The following GNAI3 variants were observed in gnomAD, a reference collection of about 807,000 sequenced individuals.
The protein encoded by GNAI3 is G protein subunit alpha i3, also known as guanine nucleotide-binding protein G(i) subunit alpha-3.
Under a neutral mutation model 41.8 loss-of-function variants are expected in GNAI3, and 12 were observed. The observed-to-expected ratio is 0.29, with a 90% CI of 0.18 to 0.47. The LOEUF (loss-of-function observed/expected upper bound fraction) is 0.47. GNAI3 is among the 20% of genes least tolerant of loss of function. The pLI is 1.00. For missense variants in GNAI3, 360 were observed against 429.6 expected (o/e 0.84, Z 1.43); for synonymous variants, 132 against 146.5 (o/e 0.90, Z 0.71).
intron 1 of GNAI3, among the ~76,000 whole-genome samples, chr1:109,572,716 T>C (rs527898132): frequency 6.6e-6 from 1 of 152,122 alleles, no homozygotes; most frequent in East Asian, 1.9e-4. Context: ...TGTGTGTTGA[T>C]TTAAAGATGG....
chr1:109,557,403 C>T (rs1258047446), intron 1 of GNAI3, among the ~76,000 whole-genome samples: 1 of 152,154 alleles, frequency 6.6e-6, no homozygotes. Flanking sequence ...AAGTATTTCT[C>T]ATCTTTTTGT....
chr1:109,562,094 G>A (rs1368817210), intron 1 of GNAI3, among the ~76,000 whole-genome samples: 1 of 152,062 alleles, frequency 6.6e-6, no homozygotes, highest in East Asian at 1.9e-4. Flanking sequence ...ATGTATGTAT[G>A]TGTATATATG....
rs561658885 is a variant in GNAI3 at position 109,596,726 on chromosome 1, T to C, written c.*4404T>C. The C allele has an allele frequency of 1.3e-5, 2 of 152,182 alleles. No individual in the cohort carries two copies. 9.4% of individuals were successfully genotyped at this position (152,182 alleles called of 1,614,324 possible). On this transcript the variant is annotated 3_prime_UTR_variant, in exon 9 of 9. Coordinates refer to ENST00000369851, the MANE Select transcript of GNAI3 (RefSeq NM_006496.4). ...CTCAAATCTTCTCAGGAATAAGAGG[T>C]AAGAAGGAATGTTAAACAGCAGTAG...
At chr1:109,575,825 C>T (rs1379447936) in intron 3 of GNAI3, among the ~76,000 whole-genome samples, 1 of 152,026 alleles carries the variant, frequency 6.6e-6, no homozygotes, top group Non-Finnish European at 1.5e-5. Context: ...CCACCGCTCC[C>T]GGCCCCATTT....
At chr1:109,577,318 C>G (rs1276588461) in intron 3 of GNAI3, among the ~76,000 whole-genome samples, 2 of 148,748 alleles carry the variant, frequency 1.3e-5, no homozygotes, top group Non-Finnish European at 3.0e-5. Context: ...GCTCTGTCGC[C>G]CAGGCTAGAG....
At chr1:109,586,108 A>G in intron 5 of GNAI3, 108 bp from the exon 6 acceptor site, 3 of 831,050 alleles carry the variant, frequency 3.6e-6, no homozygotes, top group Non-Finnish European at 5.4e-6. Flanking sequence ...TTCTTCTATT[A>G]TAAATGAAGT....
chr1:109,567,158 G>A (rs145875451), intron 1 of GNAI3, among the ~76,000 whole-genome samples: 2 of 152,268 alleles, frequency 1.3e-5, no homozygotes, highest in East Asian at 3.9e-4. Flanking sequence ...GATAATGGGG[G>A]CCCGTAGAAG....
At chr1:109,584,165 A>C (rs1014724101) in intron 5 of GNAI3, among the ~76,000 whole-genome samples, 3 of 152,170 alleles carry the variant, frequency 2.0e-5, no homozygotes, top group Non-Finnish European at 2.9e-5. Context: ...GATTTGTGAA[A>C]TCCACATAGG....
chr1:109,554,491 C>T (rs1221204099), intron 1 of GNAI3, among the ~76,000 whole-genome samples: 4 of 152,062 alleles, frequency 2.6e-5, no homozygotes, highest in South Asian at 2.1e-4. Context: ...AGCATGTTTT[C>T]GTAAGTTTGC....
At chr1:109,555,959 CGTGCGTGTGTGTGTGTGTGTGT>C (rs1648130235) in intron 1 of GNAI3, among the ~76,000 whole-genome samples, 1 of 96,786 alleles carries the variant, frequency 1.0e-5, no homozygotes. Flanking sequence ...GGAGTGCGTG[CGTGCGTGTGTGTGTGTGTGTGT>C]GTGTGTGTGT....
At chr1:109,550,780 G>A (rs1195457938) in intron 1 of GNAI3, among the ~76,000 whole-genome samples, 1 of 152,144 alleles carries the variant, frequency 6.6e-6, no homozygotes, top group African/African-American at 2.4e-5. Flanking sequence ...TGATCCACCC[G>A]CCTTGGCCTC....
intron 1 of GNAI3, among the ~76,000 whole-genome samples, chr1:109,566,227 T>C (rs1204912851): frequency 2.0e-5 from 3 of 152,204 alleles, no homozygotes; most frequent in Non-Finnish European, 2.9e-5. Context: ...GCTTATAGCA[T>C]ATGTAGAGGC....
At chr1:109,548,872 C>T (rs765477711) in intron 1 of GNAI3, 34 bp downstream of exon 1, 11 of 1,390,384 alleles carry the variant, frequency 7.9e-6, no homozygotes, top group Non-Finnish European at 9.2e-6. Flanking sequence ...GAGTGGTGGT[C>T]GGGAGAGCCT....
At position 109,573,655 on chromosome 1, in the gene GNAI3, A is replaced by G. The variant is rs1052552105; in HGVS notation, c.119-82A>G. 3.9e-5 allele frequency: 46 copies of G among 1,188,394 alleles called. 1 individual carries two copies. Among genetic ancestry groups the G allele is most frequent in the Non-Finnish European group, 4.9e-5 (39 of 799,026 alleles). 73.6% of individuals were successfully genotyped at this position (1,188,394 alleles called of 1,614,324 possible). On this transcript the variant is annotated intron_variant, in intron 1 of 8. Coordinates refer to ENST00000369851, the MANE Select transcript of GNAI3 (RefSeq NM_006496.4). ...TCCCTAGGACCCGTGGTTTTCATCA[A>G]TCTAGAGTTATCATTCATGTTGATA...
At chr1:109,551,999 T>A (rs1647992797) in intron 1 of GNAI3, among the ~76,000 whole-genome samples, 1 of 151,916 alleles carries the variant, frequency 6.6e-6, no homozygotes, top group South Asian at 2.1e-4. Context: ...CCATCTCTAC[T>A]AAAAGTACAA....
intron 7 of GNAI3, among the ~76,000 whole-genome samples, chr1:109,588,902 A>G (rs1426645535): frequency 6.6e-6 from 1 of 152,118 alleles, no homozygotes; most frequent in African/African-American, 2.4e-5. Context: ...TCAATCAATC[A>G]ATCAATCAAT....
At chr1:109,580,887 A>T (rs548050997) in intron 4 of GNAI3, among the ~76,000 whole-genome samples, 2 of 152,196 alleles carry the variant, frequency 1.3e-5, no homozygotes, top group African/African-American at 2.4e-5. Flanking sequence ...TATTCTTTCA[A>T]TGAGAACTTG....
intron 1 of GNAI3, among the ~76,000 whole-genome samples, chr1:109,564,554 A>G (rs575962399): frequency 1.3e-5 from 2 of 152,178 alleles, no homozygotes; most frequent in African/African-American, 4.8e-5. Context: ...ATGAAGCTCT[A>G]TAATGGTAGC....
rs1473778397 is a variant in GNAI3, at chr1:109,548,753, G to A, written c.33G>A (p.Ala11=). 1.2e-6 allele frequency: 2 copies of A among 1,613,592 alleles called. No individual in the cohort carries two copies. Among genetic ancestry groups the A allele is most frequent in the Non-Finnish European group, 1.7e-6 (2 of 1,179,834 alleles). Residue 11 remains alanine, a synonymous_variant, in exon 1 of 9, where the codon GCG becomes GCA. Transcript: ENST00000369851. The stretch of plus-strand genomic sequence containing the variant: ...GCACGTTGAGCGCCGAAGACAAGGC[G>A]GCAGTGGAGCGAAGCAAGATGATCG... MGCTLSAEDK[A]AVERSKMIDR... is the part of the protein sequence containing the mutation.
Sources: allele counts gnomAD v4.1 joint callset (sites outside exome capture counted in the v4.1 genomes callset), GRCh38; gene constraint gnomAD v4.1.1; transcripts MANE v1.5; gene names NCBI Gene and HGNC (gene_info 2026-07-23, HGNC 2026-07-21).